Variants in ARG2 observed in about 807,000 individuals in gnomAD.
ARG2 encodes arginase 2.
In ARG2, 21 loss-of-function variants were observed where a neutral mutation model predicts 39.4. The ratio of observed to expected loss-of-function variants is 0.53; its 90% CI spans 0.38 to 0.77. The LOEUF (loss-of-function observed/expected upper bound fraction) is 0.77. ARG2 is among the 30% of genes least tolerant of loss of function. The probability of loss-of-function intolerance (pLI) is 0.00; values close to 1 mark genes in which losing one functional copy is unlikely to be tolerated. For missense variants in ARG2, 378 were observed against 426.2 expected (o/e 0.89, Z 1.00); for synonymous variants, 150 against 156.7 (o/e 0.96, Z 0.32).
chr14:67,625,365 T>A lies in ARG2; in HGVS notation c.184+4399T>A, dbSNP rs540726540. On this transcript the variant is annotated intron_variant, in intron 2 of 7. Transcript: ENST00000261783. ...TTGACTTAGCTAAATTAAATACATC[T>A]ATGTTTCAAAGAGCACTATTAAGAA... Among the ~76,000 whole-genome samples the A allele has an allele frequency of 2.7e-4, 41 of 152,234 alleles. 1 individual carries two copies. The highest frequency in any genetic ancestry group is 4.6e-4 in the Non-Finnish European group (31 of 68,012).
intron 2 of ARG2, among the ~76,000 whole-genome samples, chr14:67,640,522 T>C (rs577798376): frequency 3.0e-4 from 45 of 152,360 alleles, no homozygotes; most frequent in African/African-American, 1.1e-3. Context: ...GGATTGAGTT[T>C]GGGTTCAAGA....
intron 2 of ARG2, among the ~76,000 whole-genome samples, chr14:67,627,435 T>C (rs1009059303): frequency 1.3e-5 from 2 of 152,154 alleles, no homozygotes; most frequent in African/African-American, 2.4e-5. Context: ...TGTCTGTTGA[T>C]AGATATCCAT....
chr14:67,635,990 T>C (rs756900427), intron 2 of ARG2, among the ~76,000 whole-genome samples: 2 of 152,210 alleles, frequency 1.3e-5, no homozygotes, highest in Non-Finnish European at 2.9e-5. Flanking sequence ...ATGCAGAGTC[T>C]TTGTTTTTCT....
intron 7 of ARG2, chr14:67,648,756 A>T (rs1594831191): frequency 1.3e-5 from 2 of 152,222 alleles, no homozygotes; most frequent in African/African-American, 4.8e-5. Context: ...TACTTTTCCA[A>T]AACTCATACT....
intron 3 of ARG2, among the ~76,000 whole-genome samples, chr14:67,643,881 A>AAT (rs2037064099): frequency 2.2e-5 from 3 of 133,662 alleles, no homozygotes; most frequent in Admixed American, 7.5e-5. Flanking sequence ...AAAAAAAAAA[A>AAT]AGACTCAGGT....
chr14:67,624,300 G>A (rs8013782), intron 2 of ARG2, among the ~76,000 whole-genome samples: 1 of 152,182 alleles, frequency 6.6e-6, no homozygotes, highest in African/African-American at 2.4e-5. Flanking sequence ...ATACTGTATA[G>A]TGACACCATT....
Position 67,651,510 on chromosome 14 carries a change from T to C in ARG2, c.*590T>C. The C allele has an allele frequency of 6.2e-7, 1 of 1,611,098 alleles. No homozygotes were observed. The highest frequency in any genetic ancestry group is 8.5e-7 in the Non-Finnish European group (1 of 1,178,130). ...CAAAGAGAAGCAAAGTGGGGAGTAGTCAGAAGTTTGGATAACCTTCCTTCT... is the reference window on the plus strand; with the variant it reads ...CAAAGAGAAGCAAAGTGGGGAGTAGCCAGAAGTTTGGATAACCTTCCTTCT... On this transcript the variant is annotated 3_prime_UTR_variant, in exon 8 of 8. Coordinates refer to ENST00000261783, the MANE Select transcript of ARG2 (RefSeq NM_001172.4).
chr14:67,642,201 A>C lies in ARG2; in HGVS notation c.200A>C (p.Asp67Ala), dbSNP rs2037039525. 2 of 1,614,050 alleles carry C rather than the reference A, an allele frequency of 1.2e-6. No homozygotes were observed. Among genetic ancestry groups the C allele is most frequent in the Non-Finnish European group, 1.7e-6 (2 of 1,179,926 alleles). The change falls in exon 3 of 8, where the codon GAC becomes GCC. Residue 67 changes from aspartate to alanine, a missense_variant. Transcript: ENST00000261783. ...TTGCTTCCAGGCTGCCACCTAAAAG[A>C]CTTTGGAGATTTGAGTTTTACTCCA... Reference protein sequence around the residue: ...RLSSLGCHLKDFGDLSFTPVP... With the variant: ...RLSSLGCHLKAFGDLSFTPVP...
intron 2 of ARG2, among the ~76,000 whole-genome samples, chr14:67,622,340 TCTC>T (rs1235254131): frequency 6.6e-6 from 1 of 152,266 alleles, no homozygotes; most frequent in South Asian, 2.1e-4. Flanking sequence ...AGTGAAGTCA[TCTC>T]CTTCCAAAAG....
Position 67,619,940 on chromosome 14 carries a change from C to G in ARG2, c.-38C>G, listed in dbSNP as rs17185182. ...CGCTCACTCCCGGCTTCCAACCGCG[C>G]GGAGCCTCTGCCTTGGAGATTCTCA... On this transcript the variant is annotated 5_prime_UTR_variant, in exon 1 of 8. Coordinates refer to ENST00000261783, the MANE Select transcript of ARG2 (RefSeq NM_001172.4). The G allele has an allele frequency of 1.6e-3, 2,230 of 1,411,488 alleles. 4 individuals carry two copies. The highest frequency in any genetic ancestry group is 2.0e-3 in the Non-Finnish European group (2,071 of 1,049,372). The allele number at this position is 1,411,488 out of a possible 1,614,324, so 87.4% of individuals were successfully genotyped here. A position where few individuals can be genotyped will look rare whatever the true frequency, so the allele number is the denominator to read the frequency against.
In ARG2 at chr14:67,651,237, TCTTTC is replaced by T; in HGVS notation, c.*320_*324del. The T allele has an allele frequency of 4.0e-6, 6 of 1,482,186 alleles. No individual in the cohort carries two copies. The highest frequency in any genetic ancestry group is 5.4e-6 in the Non-Finnish European group (6 of 1,115,420). The allele number at this position is 1,482,186 out of a possible 1,614,324, so 91.8% of individuals were successfully genotyped here. On this transcript the variant is annotated 3_prime_UTR_variant, in exon 8 of 8. Transcript: ENST00000261783. ...TCCTTCACATTTAAGTGGTTTTTCA[TCTTTC>T]CTCCCTCCTCCCACAGCCTGGCTAT... is the stretch of plus-strand genomic sequence containing the variant.
chr14:67,647,579 T>C (rs2037116921), intron 6 of ARG2: 1 of 156,090 alleles, frequency 6.4e-6, no homozygotes, highest in Admixed American at 6.4e-5. Flanking sequence ...ATGTTAAAAC[T>C]GCAGACCTAA....
At chr14:67,624,309 T>C (rs2036840964) in intron 2 of ARG2, among the ~76,000 whole-genome samples, 1 of 152,214 alleles carries the variant, frequency 6.6e-6, no homozygotes, top group African/African-American at 2.4e-5. Context: ...AGTGACACCA[T>C]TGAAAATGGT....
intron 2 of ARG2, among the ~76,000 whole-genome samples, chr14:67,624,132 T>C (rs1018507631): frequency 6.6e-6 from 1 of 152,194 alleles, no homozygotes. Context: ...GAGCAGTATA[T>C]CTGCACTCGA....
intron 2 of ARG2, among the ~76,000 whole-genome samples, chr14:67,632,112 C>T (rs1347941956): frequency 6.6e-6 from 1 of 152,102 alleles, no homozygotes; most frequent in Non-Finnish European, 1.5e-5. Context: ...GTCTCAAACT[C>T]CTAGACTCAA....
intron 2 of ARG2, among the ~76,000 whole-genome samples, chr14:67,625,124 G>A (rs561224343): frequency 3.8e-4 from 57 of 151,716 alleles, no homozygotes; most frequent in Non-Finnish European, 7.1e-4. Context: ...ATAGTCTTCA[G>A]TAAATGGTGC....
At chr14:67,639,433 T>C (rs2037006982) in intron 2 of ARG2, among the ~76,000 whole-genome samples, 1 of 152,216 alleles carries the variant, frequency 6.6e-6, no homozygotes, top group African/African-American at 2.4e-5. Context: ...GACTATTCCT[T>C]AGAGTGCAAT....
In ARG2 at chr14:67,620,069, C is replaced by T. The variant is rs2036791968; in HGVS notation, c.92C>T (p.Ala31Val). 6.2e-7 allele frequency: 1 copy of T among 1,609,184 alleles called. No homozygotes were observed. The highest frequency in any genetic ancestry group is 1.7e-4 in the Middle Eastern group (1 of 6,046). ...KSVHSVAVIG[A>V]PFSQGQKRKG... is the part of the protein sequence containing the mutation. ...GTCCACTCCGTGGCTGTGATAGGAG[C>T]CCCGTTCTCACAAGGGCAGGTGAGA... The change falls in exon 1 of 8, where the codon GCC (alanine) becomes GTC (valine). Residue 31 changes from alanine (A) to valine (V), a missense_variant. Transcript: ENST00000261783.
In ARG2 at chr14:67,646,726, A is replaced by T. The variant is rs1451318151; in HGVS notation, c.605A>T (p.Asp202Val). ...GTGTATATTGGTCTGAGAGACGTGGACCCTCCTGAACAGTAAGTTGATGCA... is the reference window on the plus strand; with the variant it reads ...GTGTATATTGGTCTGAGAGACGTGGTCCCTCCTGAACAGTAAGTTGATGCA... ...SIVYIGLRDVDPPEHFILKNY... is the reference protein window; with the variant it reads ...SIVYIGLRDVVPPEHFILKNY... Residue 202 changes from aspartate to valine, a missense_variant, in exon 5 of 8, where the codon GAC (aspartate) becomes GTC (valine). Transcript: ENST00000261783. 6.2e-7 allele frequency: 1 copy of T among 1,611,508 alleles called. No homozygotes were observed. Among genetic ancestry groups the T allele is most frequent in the East Asian group, 2.2e-5 (1 of 44,880 alleles).
Sources: gnomAD v4.1 joint callset for allele counts (sites outside exome capture counted in the v4.1 genomes callset) on GRCh38, gnomAD v4.1.1 for gene constraint, MANE v1.5 for transcripts, NCBI Gene and HGNC (gene_info 2026-07-23, HGNC 2026-07-21) for gene names.